IGFBP2: variants seen among roughly 807,000 people sequenced by gnomAD.
The protein encoded by IGFBP2 is insulin like growth factor binding protein 2, also known as insulin-like growth factor-binding protein 2.
In IGFBP2, 12 loss-of-function variants were observed where a neutral mutation model predicts 26.2. The ratio of observed to expected loss-of-function variants is 0.46; its 90% CI spans 0.29 to 0.74. The LOEUF (loss-of-function observed/expected upper bound fraction) is 0.74. IGFBP2 is among the 30% of genes least tolerant of loss of function. IGFBP2 has a pLI of 0.09. For synonymous variants in IGFBP2, 189 were observed against 200.6 expected, an observed-to-expected ratio of 0.94 and a Z score of 0.49; for missense variants, 328 against 441.2, an observed-to-expected ratio of 0.74 and a Z score of 2.30.
chr2:216,647,269 A>G (rs192185015), intron 1 of IGFBP2, among the ~76,000 whole-genome samples: 168 of 152,278 alleles, frequency 1.1e-3, no homozygotes, highest in Middle Eastern at 0.01. Flanking sequence ...TAAAATGTTA[A>G]TTGAGGACAC....
intron 1 of IGFBP2, among the ~76,000 whole-genome samples, chr2:216,648,691 C>T (rs1487017680): frequency 6.6e-6 from 1 of 152,150 alleles, no homozygotes; most frequent in East Asian, 1.9e-4. Flanking sequence ...TCACTGCAAC[C>T]TTCGCCTCCC....
chr2:216,648,409 G>A (rs1310196718), intron 1 of IGFBP2, among the ~76,000 whole-genome samples: 1 of 152,180 alleles, frequency 6.6e-6, no homozygotes. Flanking sequence ...AACAGGCCAG[G>A]AGCCCAGGGC....
intron 1 of IGFBP2, among the ~76,000 whole-genome samples, chr2:216,656,855 G>A (rs1697931710): frequency 6.6e-6 from 1 of 152,212 alleles, no homozygotes; most frequent in Non-Finnish European, 1.5e-5. Context: ...AGAAATGGTG[G>A]CAGGGTGCAG....
intron 1 of IGFBP2, among the ~76,000 whole-genome samples, chr2:216,644,320 T>C (rs1697669754): frequency 6.6e-6 from 1 of 152,076 alleles, no homozygotes; most frequent in Non-Finnish European, 1.5e-5. Context: ...ACCCAGCTGC[T>C]GGGCAGTGGA....
At chr2:216,660,417 C>T (rs973680753) in intron 1 of IGFBP2, 140 bp from the exon 2 acceptor site, 11 of 625,366 alleles carry the variant, frequency 1.8e-5, no homozygotes, top group Admixed American at 3.0e-5. Flanking sequence ...TTGCTCAGCA[C>T]GGGCCCTGAC....
In IGFBP2 at chr2:216,664,107, C is replaced by G. The variant is rs544859532; in HGVS notation, c.*3C>G. ...TGCACACCCAGCGGATGCAGTAGAC[C>G]GCAGCCAGCCGGTGCCTGGCGCCCC... On this transcript the variant is annotated 3_prime_UTR_variant, in exon 4 of 4. Coordinates refer to ENST00000233809, the MANE Select transcript of IGFBP2 (RefSeq NM_000597.3). This position sits in a 1 kb window ranked among gnomAD's most constrained non-coding sequence, Gnocchi z 4.6. 11 of 1,583,248 alleles carry G rather than the reference C, an allele frequency of 6.9e-6. No individual in the cohort carries two copies. The highest frequency in any genetic ancestry group is 5.7e-5 in the South Asian group (5 of 87,692).
Position 216,633,878 on chromosome 2 carries a change from C to A in IGFBP2, c.355C>A (p.Leu119Met). ...LRCYPHPGSELPLQALVMGEG... is the reference protein window; with the variant it reads ...LRCYPHPGSEMPLQALVMGEG... ...CTGCTATCCCCACCCGGGCTCCGAG[C>A]TGCCCCTGCAGGCGCTGGTCATGGG... Residue 119 changes from leucine (L) to methionine (M), a missense_variant, in exon 1 of 4, where the codon CTG (leucine) becomes ATG (methionine). Transcript: ENST00000233809. The A allele has an allele frequency of 1.9e-6, 3 of 1,581,498 alleles. No individual in the cohort carries two copies. The highest frequency in any genetic ancestry group is 2.6e-6 in the Non-Finnish European group (3 of 1,166,894).
intron 1 of IGFBP2, among the ~76,000 whole-genome samples, chr2:216,646,814 C>T (rs1697718407): frequency 6.6e-6 from 1 of 152,200 alleles, no homozygotes; most frequent in Non-Finnish European, 1.5e-5. Flanking sequence ...CTGGGTCCCT[C>T]CTACAACATG....
At chr2:216,636,257 C>T (rs575868943) in intron 1 of IGFBP2, among the ~76,000 whole-genome samples, 15 of 152,156 alleles carry the variant, frequency 9.9e-5, no homozygotes, top group Non-Finnish European at 1.8e-4. Context: ...CGTCTTCTCT[C>T]CTCTCCGAAG....
intron 1 of IGFBP2, among the ~76,000 whole-genome samples, chr2:216,648,100 A>G (rs958468641): frequency 6.6e-6 from 1 of 152,124 alleles, no homozygotes; most frequent in Non-Finnish European, 1.5e-5. Flanking sequence ...GTTCTTTCTT[A>G]TGAAATTCTT....
chr2:216,642,720 G>T (rs1181746173), intron 1 of IGFBP2, among the ~76,000 whole-genome samples: 3 of 152,204 alleles, frequency 2.0e-5, no homozygotes, highest in African/African-American at 4.8e-5. Flanking sequence ...CTAGAATGGG[G>T]GTTGGAGGGA....
At chr2:216,639,242 C>A (rs1697565724) in intron 1 of IGFBP2, among the ~76,000 whole-genome samples, 1 of 151,902 alleles carries the variant, frequency 6.6e-6, no homozygotes, top group South Asian at 2.1e-4. Flanking sequence ...ACCATGTTGG[C>A]CAGGTTGGTC....
chr2:216,649,640 T>C (rs186886799), intron 1 of IGFBP2, among the ~76,000 whole-genome samples: 5 of 152,354 alleles, frequency 3.3e-5, no homozygotes, highest in Admixed American at 1.3e-4. Flanking sequence ...TTTCTCTGGC[T>C]CTTCAAGGAC....
At chr2:216,633,060 C>G (rs1192904807), upstream of IGFBP2, 4 of 152,226 alleles carry the variant, frequency 2.6e-5, no homozygotes, top group Non-Finnish European at 4.4e-5. Flanking sequence ...GCGGTTAGCC[C>G]AGTGCCGGCC....
chr2:216,642,024 G>A (rs1005517204), intron 1 of IGFBP2, among the ~76,000 whole-genome samples: 1 of 147,036 alleles, frequency 6.8e-6, no homozygotes, highest in African/African-American at 2.5e-5. Context: ...TCGTGAGACG[G>A]AGTCTCGCTG....
At position 216,644,760 on chromosome 2, in the gene IGFBP2, C is replaced by G. The variant is rs541655095; in HGVS notation, c.442+10795C>G. The stretch of plus-strand genomic sequence containing the variant: ...TTTATATTCTTCCCCTCTCCCACTT[C>G]CTGCCCCAGCTCTGTTTTAGCCTCG... On this transcript the variant is annotated intron_variant, in intron 1 of 3. Transcript: ENST00000233809. 1.8e-4 allele frequency among the ~76,000 whole-genome samples: 28 copies of G among 152,320 alleles called. No homozygotes were observed. The East Asian group carries it at 5.4e-3, about 29-fold the overall frequency.
chr2:216,660,774 A>C lies in IGFBP2; in HGVS notation c.660A>C (p.Pro220=). 6.3e-7 allele frequency: 1 copy of C among 1,584,330 alleles called. No homozygotes were observed. The highest frequency in any genetic ancestry group is 8.6e-7 in the Non-Finnish European group (1 of 1,166,344). The change falls in exon 2 of 4, where the codon CCA becomes CCC. Residue 220 remains proline, a synonymous_variant. Transcript: ENST00000233809. ...LGLEEPKKLR[P]PPARTPCQQE... ...TGGAGGAGCCCAAGAAGCTGCGACC[A>C]CCCCCTGCCAGGGTCAGTGAGGGTC...
At chr2:216,633,006 T>C (rs2106183418), upstream of IGFBP2, 1 of 152,300 alleles carries the variant, frequency 6.6e-6, no homozygotes, top group East Asian at 1.9e-4. Context: ...GACTGAAATC[T>C]ACTTGAAGGT....
rs748236881 is a variant in IGFBP2, at chr2:216,664,141, G to T, written c.*37G>T. 2.7e-6 allele frequency: 4 copies of T among 1,493,090 alleles called. No individual in the cohort carries two copies. The highest frequency in any genetic ancestry group is 3.6e-6 in the Non-Finnish European group (4 of 1,112,110). The allele number at this position is 1,493,090 out of a possible 1,614,324, so 92.5% of individuals were successfully genotyped here. A position where few individuals can be genotyped will look rare whatever the true frequency, so the allele number is the denominator to read the frequency against. ...CCGGTGCCTGGCGCCCCTGCCCCCCGCCCCTCTCCAAACACCGGCAGAAAA... is the reference window on the plus strand; with the variant it reads ...CCGGTGCCTGGCGCCCCTGCCCCCCTCCCCTCTCCAAACACCGGCAGAAAA... On this transcript the variant is annotated 3_prime_UTR_variant, in exon 4 of 4. Transcript: ENST00000233809. The surrounding 1 kb of genome is among the most constrained non-coding windows in gnomAD (Gnocchi z 4.6).
Sources: gnomAD v4.1 joint callset for allele counts (sites outside exome capture counted in the v4.1 genomes callset) on GRCh38, gnomAD v4.1.1 for gene constraint, Gnocchi (gnomAD v3.1) non-coding constraint, MANE v1.5 for transcripts, NCBI Gene and HGNC (gene_info 2026-07-23, HGNC 2026-07-21) for gene names.